The following SEMA3E variants were observed in gnomAD, a reference collection of about 807,000 sequenced individuals.
SEMA3E encodes the protein semaphorin-3E.
In SEMA3E, 49 loss-of-function variants were observed where a neutral mutation model predicts 93.6. That is an observed-to-expected ratio of 0.52 (90% CI 0.42 to 0.66). SEMA3E has a LOEUF of 0.66. Among genes scored for constraint, SEMA3E ranks in the 30% least tolerant of loss-of-function variants. The pLI, the probability that SEMA3E is intolerant of heterozygous loss-of-function variation, is 0.00. For synonymous variants in SEMA3E, 363 were observed against 330.7 expected, an observed-to-expected ratio of 1.10 and a Z score of -1.06; for missense variants, 906 against 964.8, an observed-to-expected ratio of 0.94 and a Z score of 0.81.
intron 2 of SEMA3E, among the ~76,000 whole-genome samples, chr7:83,488,517 C>T (rs994183933): frequency 1.3e-5 from 2 of 152,132 alleles, no homozygotes; most frequent in African/African-American, 4.8e-5. Context: ...GCGGTATCCT[C>T]AAAATTCTGA....
chr7:83,534,902 G>T (rs1162198762), intron 1 of SEMA3E, among the ~76,000 whole-genome samples: 1 of 152,132 alleles, frequency 6.6e-6, no homozygotes, highest in Non-Finnish European at 1.5e-5. Flanking sequence ...AATCATGAAT[G>T]GTATTCCAAT....
chr7:83,570,813 CAA>C (rs145790825), intron 1 of SEMA3E, among the ~76,000 whole-genome samples: 4 of 143,360 alleles, frequency 2.8e-5, no homozygotes, highest in Admixed American at 6.9e-5. Flanking sequence ...TTATCAAAGA[CAA>C]AAAAAAAAGA....
chr7:83,387,895 A>G (rs1391229358), intron 14 of SEMA3E, among the ~76,000 whole-genome samples: 33 of 146,290 alleles, frequency 2.3e-4, no homozygotes, highest in African/African-American at 6.7e-4. Flanking sequence ...TATATATAAC[A>G]TTATATATAT....
chr7:83,569,757 G>A lies in SEMA3E; in HGVS notation c.115+78671C>T, dbSNP rs181844977. On this transcript the variant is annotated intron_variant, in intron 1 of 16. Transcript: ENST00000643230. ...AAACAAGTTCTCCTTGACTATGACA[G>A]CCACACAATAATAGTGGGAGACTTC... Among the ~76,000 whole-genome samples, 230 of 152,240 alleles carry A rather than the reference G, an allele frequency of 1.5e-3. 2 individuals are homozygous for A. The highest frequency in any genetic ancestry group is 5.2e-3 in the African/African-American group (216 of 41,556).
In SEMA3E at chr7:83,365,798, T is replaced by C. The variant is rs1431338704; in HGVS notation, c.*1788A>G. 2 of 152,160 alleles carry C rather than the reference T, an allele frequency of 1.3e-5. No homozygotes were observed. Among genetic ancestry groups the C allele is most frequent in the African/African-American group, 4.8e-5 (2 of 41,474 alleles). The allele number at this position is 152,160 out of a possible 1,614,324, so 9.4% of individuals were successfully genotyped here. ...CAATAAAGTGTACTTAATTGACTTA[T>C]TTGTTCAGACATAAACTTTGTAAGG... On this transcript the variant is annotated 3_prime_UTR_variant, in exon 17 of 17. Transcript: ENST00000643230.
rs560500871 is a variant in SEMA3E at position 83,379,821 on chromosome 7, T to C, written c.1875+5473A>G. On this transcript the variant is annotated intron_variant, in intron 16 of 16. Transcript: ENST00000643230. ...AATAAAAATATCTCCTTCATGGGAC[T>C]GTTGCAAGGATTAAAAATATTAATC... Among the ~76,000 whole-genome samples, 13 of 152,074 alleles carry C rather than the reference T, an allele frequency of 8.5e-5. No individual in the cohort carries two copies. The South Asian group carries it at 2.7e-3, about 31-fold the overall frequency.
At position 83,606,777 on chromosome 7, in the gene SEMA3E, TAA is replaced by T. The variant is rs34026764; in HGVS notation, c.115+41649_115+41650del. 2.4e-4 allele frequency among the ~76,000 whole-genome samples: 35 copies of T among 146,920 alleles called. 1 individual carries two copies. The highest frequency in any genetic ancestry group is 8.8e-4 in the African/African-American group (35 of 39,840). On this transcript the variant is annotated intron_variant, in intron 1 of 16. Coordinates refer to ENST00000643230, the MANE Select transcript of SEMA3E (RefSeq NM_012431.3). ...TAAAGTATAATAAAAAAAAAAAAAT[TAA>T]AAAAAAAAATCAGATTTGAAATTAT...
chr7:83,628,138 G>A (rs1051953944), intron 1 of SEMA3E, among the ~76,000 whole-genome samples: 4 of 152,102 alleles, frequency 2.6e-5, no homozygotes, highest in African/African-American at 9.7e-5. Context: ...AATGTTGAAT[G>A]TTGACCTCCA....
intron 4 of SEMA3E, among the ~76,000 whole-genome samples, chr7:83,445,615 G>A (rs1389864858): frequency 2.6e-5 from 4 of 152,196 alleles, no homozygotes; most frequent in Admixed American, 2.6e-4. Context: ...CAACTTGGGA[G>A]GCTGAGGCAG....
rs541686901 is a variant in SEMA3E at position 83,599,024 on chromosome 7, A to G, written c.115+49404T>C. ...GCAAAACAGTTAAATTTGCCTAAAT[A>G]TTTAAACTTATCTTTTGTCATACTT... On this transcript the variant is annotated intron_variant, in intron 1 of 16. Coordinates refer to ENST00000643230, the MANE Select transcript of SEMA3E (RefSeq NM_012431.3). Among the ~76,000 whole-genome samples the G allele has an allele frequency of 7.9e-5, 12 of 152,332 alleles. No individual in the cohort carries two copies. In the South Asian group the frequency reaches 1.7e-3, roughly 21 times the overall value.
At chr7:83,407,302 AT>A in intron 6 of SEMA3E, 63 bp from the exon 7 acceptor site, 3 of 1,320,948 alleles carry the variant, frequency 2.3e-6, no homozygotes, top group Non-Finnish European at 3.2e-6. Context: ...CTAACAAGTT[AT>A]TCCAATAAAT....
intron 1 of SEMA3E, among the ~76,000 whole-genome samples, chr7:83,581,134 A>G (rs1318069182): frequency 6.6e-6 from 1 of 152,058 alleles, no homozygotes; most frequent in African/African-American, 2.4e-5. Flanking sequence ...AAATTAAGAC[A>G]TAACTTCACA....
chr7:83,639,110 C>CAAAAAAAAAAAAAAAAAAA (rs1172097095), intron 1 of SEMA3E, among the ~76,000 whole-genome samples: 10 of 27,458 alleles, frequency 3.6e-4, no homozygotes, highest in South Asian at 1.5e-3. Flanking sequence ...GACTCCGTCT[C>CAAAAAAAAAAAAAAAAAAA]AAAAAAAAAA....
intron 1 of SEMA3E, among the ~76,000 whole-genome samples, chr7:83,542,477 T>C (rs1025652768): frequency 6.6e-6 from 1 of 152,188 alleles, no homozygotes; most frequent in Non-Finnish European, 1.5e-5. Flanking sequence ...ATTTGCAAAG[T>C]CTTACAATTT....
chr7:83,534,178 A>G (rs1266580178), intron 1 of SEMA3E, among the ~76,000 whole-genome samples: 1 of 152,234 alleles, frequency 6.6e-6, no homozygotes, highest in Non-Finnish European at 1.5e-5. Flanking sequence ...GCTTCCCAAA[A>G]CAAGAGTTAC....
At chr7:83,432,881 A>G (rs987834496) in intron 4 of SEMA3E, among the ~76,000 whole-genome samples, 4 of 152,198 alleles carry the variant, frequency 2.6e-5, no homozygotes, top group African/African-American at 7.2e-5. Flanking sequence ...AATTTATAGT[A>G]CAGTCATATA....
intron 2 of SEMA3E, among the ~76,000 whole-genome samples, chr7:83,471,334 G>T: frequency 7.0e-6 from 1 of 142,112 alleles, no homozygotes; most frequent in African/African-American, 2.5e-5. Flanking sequence ...AAAAAAAAGT[G>T]TTGAAATCTG....
chr7:83,483,437 T>C (rs1303116444), intron 2 of SEMA3E, among the ~76,000 whole-genome samples: 2 of 152,180 alleles, frequency 1.3e-5, no homozygotes, highest in Non-Finnish European at 1.5e-5. Context: ...ATAATAGCTG[T>C]ATTAAAAATA....
chr7:83,561,950 G>A (rs950306509), intron 1 of SEMA3E, among the ~76,000 whole-genome samples: 6 of 151,924 alleles, frequency 3.9e-5, no homozygotes, highest in African/African-American at 9.7e-5. Context: ...AATCAGACAC[G>A]AAATCCCCAC....
Sources: gnomAD v4.1 joint callset for allele counts (sites outside exome capture counted in the v4.1 genomes callset) on GRCh38, gnomAD v4.1.1 for gene constraint, MANE v1.5 for transcripts, NCBI Gene and HGNC (gene_info 2026-07-23, HGNC 2026-07-21) for gene names.